CHIA: variants seen among roughly 807,000 people sequenced by gnomAD.
CHIA encodes acidic mammalian chitinase.
Under a neutral mutation model 53.5 loss-of-function variants are expected in CHIA, and 47 were observed. That is an observed-to-expected ratio of 0.88 (90% CI 0.70 to 1.12). The LOEUF (loss-of-function observed/expected upper bound fraction) is 1.12, where lower values mean the gene tolerates loss of function less well. Ranked by LOEUF, CHIA falls within the 50% of genes most tolerant of loss-of-function variation. CHIA has a pLI of 0.00. For missense variants in CHIA, 652 were observed against 592.2 expected (o/e 1.10, Z -1.05); for synonymous variants, 268 against 222.2 (o/e 1.21, Z -1.83).
intron 1 of CHIA, among the ~76,000 whole-genome samples, chr1:111,292,901 T>C (rs1268526466): frequency 1.3e-5 from 2 of 152,212 alleles, no homozygotes; most frequent in African/African-American, 4.8e-5. Flanking sequence ...TTCATCCATG[T>C]TGTAGCAAGT....
intron 1 of CHIA, among the ~76,000 whole-genome samples, chr1:111,302,226 CTAT>C (rs1242723480): frequency 6.6e-6 from 1 of 151,972 alleles, no homozygotes; most frequent in African/African-American, 2.4e-5. Context: ...TTGATTTTCT[CTAT>C]TGTTTTACTA....
At chr1:111,317,234 C>T (rs1649230977) in intron 6 of CHIA, 1 of 170,328 alleles carries the variant, frequency 5.9e-6, no homozygotes, top group Non-Finnish European at 1.3e-5. Context: ...GGGAACCTAT[C>T]ATCTAGCTGT....
chr1:111,297,558 A>C (rs1647272297), intron 1 of CHIA, among the ~76,000 whole-genome samples: 1 of 152,190 alleles, frequency 6.6e-6, no homozygotes, highest in Non-Finnish European at 1.5e-5. Context: ...CCTGCCTTAC[A>C]AGAGCTCCTG....
In CHIA at chr1:111,291,050, G is replaced by A. The variant is rs148727736; in HGVS notation, c.-69+100G>A. On this transcript the variant is annotated intron_variant, in intron 1 of 11. Transcript: ENST00000369740. ...ATTATATCAAGTTGTTTATTATATC[G>A]TTTGCTTATTACATCTGCATTGCCA... 1,140 of 299,728 alleles carry A rather than the reference G, an allele frequency of 3.8e-3. 3 individuals carry two copies. The highest frequency in any genetic ancestry group is 5.6e-3 in the Non-Finnish European group (848 of 151,662). 18.6% of individuals were successfully genotyped at this position (299,728 alleles called of 1,614,324 possible).
At chr1:111,313,794 T>A (rs1016349217) in intron 4 of CHIA, among the ~76,000 whole-genome samples, 2 of 152,204 alleles carry the variant, frequency 1.3e-5, no homozygotes, top group Admixed American at 1.3e-4. Context: ...AGATCTTTAA[T>A]CCATTCTGAG....
Position 111,312,176 on chromosome 1 carries a change from C to T in CHIA, c.56-14C>T, listed in dbSNP as rs773346687. 3 of 1,610,754 alleles carry T rather than the reference C, an allele frequency of 1.9e-6. No homozygotes were observed. The highest frequency in any genetic ancestry group is 2.5e-6 in the Non-Finnish European group (3 of 1,177,002). ...CTAAACCAGGCCATTGTCCCTCCTG[C>T]TGACTACACACAGGCTCTGCCTACC... On this transcript the variant is annotated splice_polypyrimidine_tract_variant and intron_variant, in intron 3 of 11. Transcript: ENST00000369740.
At chr1:111,297,873 GA>G (rs1381100594) in intron 1 of CHIA, among the ~76,000 whole-genome samples, 3 of 106,590 alleles carry the variant, frequency 2.8e-5, no homozygotes, top group African/African-American at 3.9e-5. Flanking sequence ...TAAAGAGATG[GA>G]GGAAGATCTA....
rs1162240545 is a variant in CHIA at position 111,320,519 on chromosome 1, G to A, written c.*53G>A. The A allele has an allele frequency of 7.1e-6, 11 of 1,542,046 alleles. No individual in the cohort carries two copies. The highest frequency in any genetic ancestry group is 1.4e-5 in the African/African-American group (1 of 73,538). ...TTCCAGTCTCTTTTGCTTAGGACATGTTGCCCCTACCTAAAGTCCTGCAAT... is the reference window on the plus strand; with the variant it reads ...TTCCAGTCTCTTTTGCTTAGGACATATTGCCCCTACCTAAAGTCCTGCAAT... On this transcript the variant is annotated 3_prime_UTR_variant, in exon 12 of 12. Transcript: ENST00000369740.
At chr1:111,304,122 C>A (rs1307997170) in intron 1 of CHIA, among the ~76,000 whole-genome samples, 2 of 152,002 alleles carry the variant, frequency 1.3e-5, no homozygotes, top group Non-Finnish European at 2.9e-5. Context: ...ATTGAAGATC[C>A]CTTGTATGTG....
chr1:111,311,569 C>T (rs977066610), intron 2 of CHIA, 120 bp from the exon 3 acceptor site: 2 of 1,150,280 alleles, frequency 1.7e-6, no homozygotes, highest in South Asian at 1.3e-5. Flanking sequence ...GGAATCACCA[C>T]CAAATCTCAC....
At chr1:111,294,190 A>T (rs1409536754) in intron 1 of CHIA, among the ~76,000 whole-genome samples, 1 of 152,202 alleles carries the variant, frequency 6.6e-6, no homozygotes, top group Non-Finnish European at 1.5e-5. Context: ...GAGTCTTCCA[A>T]CTCATGAACA....
intron 1 of CHIA, among the ~76,000 whole-genome samples, chr1:111,300,598 C>T (rs1158840581): frequency 5.3e-5 from 8 of 152,132 alleles, no homozygotes; most frequent in African/African-American, 9.7e-5. Context: ...AGATTAAAGA[C>T]GTAAATATTA....
Position 111,310,435 on chromosome 1 carries a change from A to G in CHIA, c.-33A>G. Reference sequence around the variant, plus strand: ...GATAACCACAGAATCAGAACATATAAAAAGCTCTGCGGGACTGGTGCTGAC... The same window carrying G: ...GATAACCACAGAATCAGAACATATAGAAAGCTCTGCGGGACTGGTGCTGAC... On this transcript the variant is annotated 5_prime_UTR_variant, in exon 2 of 12. Transcript: ENST00000369740. 2 of 1,345,796 alleles carry G rather than the reference A, an allele frequency of 1.5e-6. No individual in the cohort carries two copies. The highest frequency in any genetic ancestry group is 2.1e-6 in the Non-Finnish European group (2 of 963,894). 83.4% of individuals were successfully genotyped at this position (1,345,796 alleles called of 1,614,324 possible). A position where few individuals can be genotyped will look rare whatever the true frequency, so the allele number is the denominator to read the frequency against.
chr1:111,294,121 G>A (rs1350707329), intron 1 of CHIA, among the ~76,000 whole-genome samples: 3 of 152,118 alleles, frequency 2.0e-5, no homozygotes, highest in East Asian at 1.9e-4. Flanking sequence ...CTGGGATTTC[G>A]ATAGGGATTG....
intron 1 of CHIA, among the ~76,000 whole-genome samples, chr1:111,301,905 G>A (rs1177054337): frequency 1.3e-5 from 2 of 152,054 alleles, no homozygotes; most frequent in Non-Finnish European, 2.9e-5. Flanking sequence ...GGCCTGTTGC[G>A]GGGTGGGGGA....
At chr1:111,318,361 T>G (rs1649342840) in intron 8 of CHIA, 132 bp from the exon 9 acceptor site, 2 of 908,960 alleles carry the variant, frequency 2.2e-6, no homozygotes, top group South Asian at 3.7e-5. Context: ...TTCACCAAAA[T>G]GTTTTGAAAA....
In CHIA at chr1:111,312,236, C is replaced by G. The variant is rs771992473; in HGVS notation, c.102C>G (p.Tyr34Ter). 9.3e-6 allele frequency: 15 copies of G among 1,614,140 alleles called. No homozygotes were observed. Among genetic ancestry groups the G allele is most frequent in the Middle Eastern group, 1.6e-4 (1 of 6,062 alleles). Residue 34 changes from tyrosine to a stop codon, truncating the protein, a stop_gained, in exon 4 of 12, where the codon TAC becomes TAG. Coordinates refer to ENST00000369740, the MANE Select transcript of CHIA (RefSeq NM_201653.4). LOFTEE classifies it high-confidence loss of function. Reference sequence around the variant, plus strand: ...GCTACTTCACCAACTGGGCCCAGTACCGGCCAGGCCTGGGGCGCTTCATGC... The same window carrying G: ...GCTACTTCACCAACTGGGCCCAGTAGCGGCCAGGCCTGGGGCGCTTCATGC... ...LTCYFTNWAQ[Y>*]RPGLGRFMPD...
Position 111,315,412 on chromosome 1 carries a change from C to T in CHIA, c.457C>T (p.His153Tyr). The stretch of plus-strand genomic sequence containing the variant: ...TCGTGGGAGCCCTCCTCAGGACAAG[C>T]ATCTCTTCACTGTCCTGGTGCAGGT... ...GSRGSPPQDKHLFTVLVQEMR... is the reference protein window; with the variant it reads ...GSRGSPPQDKYLFTVLVQEMR... Residue 153 changes from histidine (H) to tyrosine (Y), a missense_variant, in exon 6 of 12, where the codon CAT becomes TAT. Transcript: ENST00000369740. The T allele has an allele frequency of 1.9e-6, 3 of 1,614,076 alleles. No individual in the cohort carries two copies. The highest frequency in any genetic ancestry group is 2.5e-6 in the Non-Finnish European group (3 of 1,179,950).
rs763980631 is a variant in CHIA, at chr1:111,310,487, T to C, written c.20T>C (p.Leu7Pro). The C allele has an allele frequency of 1.2e-6, 2 of 1,614,196 alleles. No individual in the cohort carries two copies. Among genetic ancestry groups the C allele is most frequent in the Non-Finnish European group, 1.7e-6 (2 of 1,180,018 alleles). ...GCAACCATGACAAAGCTTATTCTCCTCACAGGTGGGTTTGTAATCAGAGAT... is the reference window on the plus strand; with the variant it reads ...GCAACCATGACAAAGCTTATTCTCCCCACAGGTGGGTTTGTAATCAGAGAT... Reference protein sequence around the residue: MTKLILLTGLVLILNLQ... With the variant: MTKLILPTGLVLILNLQ... Residue 7 changes from leucine (L) to proline (P), a missense_variant, in exon 2 of 12, where the codon CTC (leucine) becomes CCC (proline). Transcript: ENST00000369740.
Sources: gnomAD v4.1 joint callset for allele counts (sites outside exome capture counted in the v4.1 genomes callset) on GRCh38, gnomAD v4.1.1 for gene constraint, MANE v1.5 for transcripts, NCBI Gene and HGNC (gene_info 2026-07-23, HGNC 2026-07-21) for gene names.